AP2A1: variants seen among roughly 807,000 people sequenced by gnomAD.
The protein encoded by AP2A1 is adaptor related protein complex 2 subunit alpha 1.
Under a neutral mutation model 107.3 loss-of-function variants are expected in AP2A1, and 21 were observed. That is an observed-to-expected ratio of 0.20 (90% CI 0.14 to 0.28). The LOEUF (loss-of-function observed/expected upper bound fraction) is 0.28. Ranked by LOEUF, AP2A1 falls within the 10% of genes least tolerant of loss-of-function variation. The pLI is 1.00. For synonymous variants in AP2A1, 602 were observed against 564.8 expected, an observed-to-expected ratio of 1.07 and a Z score of -0.93; for missense variants, 873 against 1,307.7, an observed-to-expected ratio of 0.67 and a Z score of 5.13.
intron 6 of AP2A1, among the ~76,000 whole-genome samples, chr19:49,794,520 A>C (rs2073186710): frequency 6.6e-6 from 1 of 152,034 alleles, no homozygotes; most frequent in Non-Finnish European, 1.5e-5. Context: ...TGTTTCATTC[A>C]TTCATCACAC....
intron 7 of AP2A1, chr19:49,796,167 A>C: frequency 5.3e-6 from 1 of 187,426 alleles, no homozygotes. Flanking sequence ...ACCTTCCCCT[A>C]CTGCTCACAG....
At chr19:49,767,741 G>A (rs2084517942) in intron 1 of AP2A1, among the ~76,000 whole-genome samples, 1 of 152,070 alleles carries the variant, frequency 6.6e-6, no homozygotes, top group African/African-American at 2.4e-5. Context: ...TGGTATAGAG[G>A]AGGCCTGAGA....
chr19:49,792,526 C>A (rs1402001416), intron 5 of AP2A1, among the ~76,000 whole-genome samples: 1 of 151,976 alleles, frequency 6.6e-6, no homozygotes, highest in African/African-American at 2.4e-5. Context: ...GTCCAGAAAC[C>A]CTCCCATCCC....
Position 49,767,040 on chromosome 19 carries a change from G to C in AP2A1, c.-94G>C. 5 of 1,335,564 alleles carry C rather than the reference G, an allele frequency of 3.7e-6. No homozygotes were observed. Among genetic ancestry groups the C allele is most frequent in the Non-Finnish European group, 4.9e-6 (5 of 1,011,352 alleles). 82.7% of individuals were successfully genotyped at this position (1,335,564 alleles called of 1,614,324 possible). A position where few individuals can be genotyped will look rare whatever the true frequency, so the allele number is the denominator to read the frequency against. ...CCCGCGGCCGGCTCGGCTCCTTGGC[G>C]CTGCCTGGGGTCCTTTCCGCCCGGT... On this transcript the variant is annotated 5_prime_UTR_variant, in exon 1 of 23. Transcript: ENST00000354293.
intron 10 of AP2A1, 101 bp downstream of exon 10, chr19:49,799,867 C>G: frequency 6.4e-7 from 1 of 1,560,000 alleles, no homozygotes; most frequent in Non-Finnish European, 8.7e-7. Flanking sequence ...GGGGCCTGGA[C>G]TCCTGGGTCT....
rs757646981 is a variant in AP2A1, at chr19:49,802,636, G to A, written c.2115-313G>A. ...CCTGGGGTGGGAGGTCGGTCGGGGG[G>A]GCGGACTCGGGTGTCCCCAGGGAGA... On this transcript the variant is annotated intron_variant, in intron 15 of 22. Transcript: ENST00000354293. The A allele has an allele frequency of 7.3e-6, 11 of 1,507,910 alleles. 1 individual carries two copies. Among genetic ancestry groups the A allele is most frequent in the Non-Finnish European group, 9.7e-6 (11 of 1,128,754 alleles). The allele number at this position is 1,507,910 out of a possible 1,614,324, so 93.4% of individuals were successfully genotyped here.
At chr19:49,782,882 A>G (rs2084694651) in intron 4 of AP2A1, among the ~76,000 whole-genome samples, 158 bp downstream of exon 4, 1 of 152,124 alleles carries the variant, frequency 6.6e-6, no homozygotes, top group African/African-American at 2.4e-5. Flanking sequence ...TGGCAGCCCC[A>G]TACTTGTCTC....
At position 49,780,378 on chromosome 19, in the gene AP2A1, CAG is replaced by C. The variant is rs372125099; in HGVS notation, c.68-1378_68-1377del. ...CGAGACCCAAATGATGGGAAGATGACAGGGGAGGGGTGGCCCCAGGAAGAGGG... is the reference window on the plus strand; with the variant it reads ...CGAGACCCAAATGATGGGAAGATGACGGGAGGGGTGGCCCCAGGAAGAGGG... On this transcript the variant is annotated intron_variant, in intron 1 of 22. Transcript: ENST00000354293. Among the ~76,000 whole-genome samples the C allele has an allele frequency of 1.5e-4, 23 of 152,266 alleles. No homozygotes were observed. The East Asian group carries it at 4.2e-3, about 28-fold the overall frequency.
At chr19:49,802,910 C>T in intron 15 of AP2A1, 39 bp from the exon 16 acceptor site, 1 of 1,601,498 alleles carries the variant, frequency 6.2e-7, no homozygotes, top group Non-Finnish European at 8.5e-7. Flanking sequence ...CCCCTCCCCA[C>T]CAAGTTCCTT....
chr19:49,798,543 G>A (rs548712864), intron 7 of AP2A1, among the ~76,000 whole-genome samples: 15 of 152,304 alleles, frequency 9.8e-5, no homozygotes, highest in Admixed American at 6.5e-4. Context: ...CCTCTTGCCC[G>A]AGAGGGTCAG....
At chr19:49,801,355 A>G (rs1246062925) in intron 12 of AP2A1, 35 bp from the exon 13 acceptor site, 4 of 1,586,072 alleles carry the variant, frequency 2.5e-6, no homozygotes, top group Non-Finnish European at 3.5e-6. Flanking sequence ...AGGGCAGTGG[A>G]ACCTGGCCCC....
Position 49,791,973 on chromosome 19 carries a change from G to T in AP2A1, c.512G>T (p.Cys171Phe). ...MDSVKQSAAL[C>F]LLRLYKASPD... ...AGTGTCAAGCAGAGTGCGGCCCTGT[G>T]CCTCCTTCGACTGTACAAGGCCTCG... Residue 171 changes from cysteine to phenylalanine, a missense_variant, in exon 5 of 23, where the codon TGC (cysteine) becomes TTC (phenylalanine). Cys to Phe is a radical substitution (Grantham distance 205). Coordinates refer to ENST00000354293, the MANE Select transcript of AP2A1 (RefSeq NM_130787.3). The T allele has an allele frequency of 6.2e-7, 1 of 1,612,164 alleles. No individual in the cohort carries two copies.
chr19:49,767,828 G>A (rs2084518892), intron 1 of AP2A1, among the ~76,000 whole-genome samples: 2 of 152,148 alleles, frequency 1.3e-5, no homozygotes, highest in South Asian at 4.1e-4. Context: ...GTGAAGGATA[G>A]AGGGGCTTCA....
At chr19:49,790,133 G>T (rs895957871) in intron 4 of AP2A1, among the ~76,000 whole-genome samples, 5 of 152,178 alleles carry the variant, frequency 3.3e-5, no homozygotes, top group Admixed American at 2.0e-4. Flanking sequence ...AAATCAAGGC[G>T]TGGGCAGGGC....
Position 49,801,634 on chromosome 19 carries a change from T to TGCCCC in AP2A1, c.1785+13_1785+14insGCCCC. On this transcript the variant is annotated intron_variant, in intron 13 of 22. Coordinates refer to ENST00000354293, the MANE Select transcript of AP2A1 (RefSeq NM_130787.3). ...CACCGACGTCCTGGTCAGAGCCCTG[T>TGCCCC]CCCCCCACCCCACCCCTCTTGCACA... The TGCCCC allele has an allele frequency of 1.3e-6, 2 of 1,482,284 alleles. No homozygotes were observed. Among genetic ancestry groups the TGCCCC allele is most frequent in the Non-Finnish European group, 9.3e-7 (1 of 1,076,938 alleles). The allele number at this position is 1,482,284 out of a possible 1,614,324, so 91.8% of individuals were successfully genotyped here.
At chr19:49,801,328 G>T in intron 12 of AP2A1, 62 bp from the exon 13 acceptor site, 2 of 1,517,610 alleles carry the variant, frequency 1.3e-6, no homozygotes, top group Non-Finnish European at 1.8e-6. Flanking sequence ...GGCACCTCTC[G>T]AGGGGGTTTC....
chr19:49,775,673 G>T (rs1278812924), intron 1 of AP2A1, among the ~76,000 whole-genome samples: 1 of 152,156 alleles, frequency 6.6e-6, no homozygotes, highest in Non-Finnish European at 1.5e-5. Context: ...AAAGTGCTGG[G>T]ATTAGAGGCG....
chr19:49,789,869 C>T (rs567491483), intron 4 of AP2A1, among the ~76,000 whole-genome samples: 6 of 152,270 alleles, frequency 3.9e-5, no homozygotes, highest in African/African-American at 1.4e-4. Context: ...CGTGTCTGAC[C>T]CCAGAAGGTG....
chr19:49,797,877 T>G (rs540182023), intron 7 of AP2A1, among the ~76,000 whole-genome samples: 13 of 152,112 alleles, frequency 8.5e-5, no homozygotes, highest in African/African-American at 2.9e-4. Flanking sequence ...GCCCAGGAGT[T>G]TGAGATCAGA....
Sources: gnomAD v4.1 joint callset for allele counts (sites outside exome capture counted in the v4.1 genomes callset) on GRCh38, gnomAD v4.1.1 for gene constraint, MANE v1.5 for transcripts, NCBI Gene and HGNC (gene_info 2026-07-23, HGNC 2026-07-21) for gene names.